PCDHA5: variants seen among roughly 807,000 people sequenced by gnomAD.
PCDHA5 encodes protocadherin alpha-5.
PCDHA5 carries 43 observed loss-of-function variants against 61.6 expected under a neutral mutation model. The observed-to-expected ratio is 0.70, with a 90% confidence interval of 0.55 to 0.90. The LOEUF is 0.90. Ranked by LOEUF, PCDHA5 falls within the 40% of genes least tolerant of loss-of-function variation. The pLI is 0.00. For missense variants in PCDHA5, 1,298 were observed against 1,222.7 expected, an observed-to-expected ratio of 1.06 and a Z score of -0.92; for synonymous variants, 627 against 543.9, an observed-to-expected ratio of 1.15 and a Z score of -2.13.
At chr5:140,934,171 A>C (rs965826085) in intron 1 of PCDHA5, among the ~76,000 whole-genome samples, 11 of 152,160 alleles carry the variant, frequency 7.2e-5, no homozygotes, top group African/African-American at 2.7e-4. Context: ...GTGCAACAGA[A>C]GTACTCTAAA....
At chr5:140,848,605 A>G in intron 1 of PCDHA5, 4 of 1,593,610 alleles carry the variant, frequency 2.5e-6, no homozygotes, top group African/African-American at 2.7e-5. Flanking sequence ...TCCGTCCCGG[A>G]GGAAGCCGAA....
intron 1 of PCDHA5, among the ~76,000 whole-genome samples, chr5:140,954,765 C>T (rs1305270750): frequency 6.6e-6 from 1 of 152,064 alleles, no homozygotes; most frequent in Non-Finnish European, 1.5e-5. Context: ...TGCAGAAGCT[C>T]TTTAATTTAA....
intron 1 of PCDHA5, among the ~76,000 whole-genome samples, chr5:140,885,230 T>G (rs2060523657): frequency 6.6e-6 from 1 of 152,166 alleles, no homozygotes; most frequent in Non-Finnish European, 1.5e-5. Flanking sequence ...GTGATTCTGC[T>G]TTCAATTTTT....
chr5:140,940,903 A>T (rs1177865937), intron 1 of PCDHA5, among the ~76,000 whole-genome samples: 1 of 152,242 alleles, frequency 6.6e-6, no homozygotes, highest in Admixed American at 6.5e-5. Context: ...CTTTAAATCA[A>T]GTTCAAGACT....
chr5:140,875,657 G>A (rs1241102848), intron 1 of PCDHA5: 1 of 1,613,738 alleles, frequency 6.2e-7, no homozygotes, highest in South Asian at 1.1e-5. Context: ...CTGGTGCCGC[G>A]CCTGTTCCGG....
rs782651384 is a variant in PCDHA5 at position 140,835,888 on chromosome 5, G to A, written c.2352+11761G>A. On this transcript the variant is annotated intron_variant, in intron 1 of 3. Coordinates refer to ENST00000529859, the MANE Select transcript of PCDHA5 (RefSeq NM_018908.3). ...CTGGTGGAGCTGCGGGTGGGCGAGC[G>A]CGCGCTGTCGAGCTACGTGTCAGTG... is the stretch of plus-strand genomic sequence containing the variant. 1.2e-6 allele frequency: 2 copies of A among 1,611,826 alleles called. 1 individual carries two copies. Among genetic ancestry groups the A allele is most frequent in the Non-Finnish European group, 1.7e-6 (2 of 1,179,634 alleles).
intron 1 of PCDHA5, among the ~76,000 whole-genome samples, chr5:140,844,226 G>A (rs1049637065): frequency 1.3e-5 from 2 of 149,336 alleles, no homozygotes; most frequent in Non-Finnish European, 3.0e-5. Flanking sequence ...AATATCTTTG[G>A]TGTTTCACTA....
intron 1 of PCDHA5, among the ~76,000 whole-genome samples, chr5:140,900,759 A>G (rs1419646582): frequency 6.6e-6 from 1 of 152,044 alleles, no homozygotes; most frequent in Non-Finnish European, 1.5e-5. Context: ...TGGTAGCTCT[A>G]TTTTTGGCTT....
Position 140,864,265 on chromosome 5 carries a change from TC to T in PCDHA5, c.2352+40140del, listed in dbSNP as rs534238956. On this transcript the variant is annotated intron_variant, in intron 1 of 3. Coordinates refer to ENST00000529859, the MANE Select transcript of PCDHA5 (RefSeq NM_018908.3). ...ATTCATTTTCTTATTCTGATTTGTG[TC>T]CTCCATTCCTTATTGTTTTTATGTA... 9 of 152,340 alleles carry T rather than the reference TC, an allele frequency of 5.9e-5. No individual in the cohort carries two copies. In the East Asian group the frequency reaches 1.3e-3, roughly 23 times the overall value. The allele number at this position is 152,340 out of a possible 1,614,324, so 9.4% of individuals were successfully genotyped here.
chr5:140,877,375 C>T (rs782650940), intron 1 of PCDHA5: 4 of 1,614,006 alleles, frequency 2.5e-6, no homozygotes, highest in South Asian at 1.1e-5. Flanking sequence ...CAGCACGACA[C>T]GCATCCTGGA....
At chr5:140,858,209 T>A (rs1554151274) in intron 1 of PCDHA5, 1 of 1,593,850 alleles carries the variant, frequency 6.3e-7, no homozygotes, top group Admixed American at 1.7e-5. Context: ...TGCACTGAGG[T>A]GCTCGGCGGC....
intron 1 of PCDHA5, among the ~76,000 whole-genome samples, chr5:140,946,184 C>T (rs2093899107): frequency 6.6e-6 from 1 of 151,990 alleles, no homozygotes; most frequent in African/African-American, 2.4e-5. Context: ...TGTGAATAGA[C>T]ATTTCTCAAA....
At position 140,868,885 on chromosome 5, in the gene PCDHA5, T is replaced by C. The variant is rs559907492; in HGVS notation, c.2352+44758T>C. 56 of 733,832 alleles carry C rather than the reference T, an allele frequency of 7.6e-5. 1 individual carries two copies. The highest frequency in any genetic ancestry group is 1.1e-4 in the Non-Finnish European group (52 of 469,948). The allele number at this position is 733,832 out of a possible 1,614,324, so 45.5% of individuals were successfully genotyped here. A position where few individuals can be genotyped will look rare whatever the true frequency, so the allele number is the denominator to read the frequency against. On this transcript the variant is annotated intron_variant, in intron 1 of 3. Transcript: ENST00000529859. ...ATGCAGTGCACAGTACTCACAGTTTTAGGCGCAAGGTGTCGCTCTTTACTT... is the reference window on the plus strand; with the variant it reads ...ATGCAGTGCACAGTACTCACAGTTTCAGGCGCAAGGTGTCGCTCTTTACTT...
intron 1 of PCDHA5, chr5:140,836,538 A>T: frequency 6.2e-7 from 1 of 1,613,734 alleles, no homozygotes; most frequent in Non-Finnish European, 8.5e-7. Context: ...GCTGCTGTAC[A>T]CGGCGTTGCG....
intron 1 of PCDHA5, among the ~76,000 whole-genome samples, chr5:140,919,085 T>C (rs2078998041): frequency 1.3e-5 from 2 of 152,368 alleles, no homozygotes; most frequent in East Asian, 3.9e-4. Context: ...GACTATTGAA[T>C]TGTCTATTTC....
intron 1 of PCDHA5, among the ~76,000 whole-genome samples, chr5:140,934,682 A>G (rs2089985981): frequency 6.6e-6 from 1 of 152,156 alleles, no homozygotes; most frequent in Non-Finnish European, 1.5e-5. Flanking sequence ...AGTATTCAAA[A>G]CAATGAATTG....
chr5:140,870,718 G>C (rs2052330987), intron 1 of PCDHA5: 2 of 1,613,062 alleles, frequency 1.2e-6, no homozygotes. Context: ...CGCGCGCGAT[G>C]CGGGCGTGCC....
chr5:140,823,138 G>A lies in PCDHA5; in HGVS notation c.1363G>A (p.Ala455Thr). 6.2e-7 allele frequency: 1 copy of A among 1,613,824 alleles called. No homozygotes were observed. Among genetic ancestry groups the A allele is most frequent in the Non-Finnish European group, 8.5e-7 (1 of 1,179,928 alleles). Residue 455 changes from alanine (A) to threonine (T), a missense_variant, in exon 1 of 4, where the codon GCG becomes ACG. Transcript: ENST00000529859. ...ADVNDNAPAF[A>T]QPQYTVFVKE... ...CGTGAACGACAACGCTCCGGCGTTC[G>A]CGCAGCCCCAGTATACCGTGTTCGT...
At chr5:140,911,909 C>G (rs113000456) in intron 1 of PCDHA5, among the ~76,000 whole-genome samples, 17,713 of 152,106 alleles carry the variant, frequency 0.12, 1,155 homozygotes, top group Middle Eastern at 0.19. Flanking sequence ...TCAGAGCTCT[C>G]TAGAGGACAG....
Sources: gnomAD v4.1 joint callset for allele counts (sites outside exome capture counted in the v4.1 genomes callset) on GRCh38, gnomAD v4.1.1 for gene constraint, MANE v1.5 for transcripts, NCBI Gene and HGNC (gene_info 2026-07-23, HGNC 2026-07-21) for gene names.